The following SNX29 variants were observed in gnomAD, a reference collection of about 807,000 sequenced individuals.
The protein encoded by SNX29 is sorting nexin 29, also known as sorting nexin-29.
In SNX29, 78 loss-of-function variants were observed where a neutral mutation model predicts 102.1. The ratio of observed to expected loss-of-function variants is 0.76; its 90% confidence interval spans 0.64 to 0.92. SNX29 has a LOEUF of 0.92. SNX29 is among the 40% of genes least tolerant of loss of function. SNX29 has a pLI of 0.00. For missense variants in SNX29, 1,280 were observed against 1,061.7 expected, an observed-to-expected ratio of 1.21 and a Z score of -2.86; for synonymous variants, 580 against 414.5, an observed-to-expected ratio of 1.40 and a Z score of -4.85.
At chr16:12,140,160 C>T (rs2054819884) in intron 13 of SNX29, among the ~76,000 whole-genome samples, 1 of 152,106 alleles carries the variant, frequency 6.6e-6, no homozygotes, top group African/African-American at 2.4e-5. Flanking sequence ...CAGGGGGTAT[C>T]ACGCATATCA....
At chr16:12,428,528 C>G (rs2085177982) in intron 18 of SNX29, among the ~76,000 whole-genome samples, 2 of 152,204 alleles carry the variant, frequency 1.3e-5, no homozygotes, top group South Asian at 4.1e-4. Context: ...CAATTAATAT[C>G]TCCTTCTAGT....
At chr16:12,136,607 G>A (rs2054670226) in intron 13 of SNX29, among the ~76,000 whole-genome samples, 1 of 152,228 alleles carries the variant, frequency 6.6e-6, no homozygotes, top group South Asian at 2.1e-4. Flanking sequence ...CTGCGCACTG[G>A]TGTCATGCTT....
intron 16 of SNX29, among the ~76,000 whole-genome samples, chr16:12,396,693 C>T (rs575294488): frequency 2.6e-5 from 4 of 152,102 alleles, no homozygotes; most frequent in South Asian, 2.1e-4. Context: ...ATCCATGATG[C>T]GTAACTGTTA....
chr16:12,550,319 C>T (rs976307141), intron 20 of SNX29, among the ~76,000 whole-genome samples: 1 of 152,120 alleles, frequency 6.6e-6, no homozygotes, highest in Non-Finnish European at 1.5e-5. Flanking sequence ...GTTGGGTCAC[C>T]TGAGGTCGAG....
intron 1 of SNX29, among the ~76,000 whole-genome samples, chr16:11,993,128 G>T (rs994773823): frequency 6.6e-6 from 1 of 151,878 alleles, no homozygotes; most frequent in African/African-American, 2.4e-5. Context: ...TGGCGCCACC[G>T]TACTCCAGCT....
At chr16:12,434,924 A>G (rs567858938) in intron 18 of SNX29, among the ~76,000 whole-genome samples, 11 of 150,140 alleles carry the variant, frequency 7.3e-5, no homozygotes, top group Admixed American at 7.2e-4. Context: ...GGTCCCAGAG[A>G]AAAGGGAACT....
chr16:12,515,539 G>A, intron 19 of SNX29: 1 of 491,676 alleles, frequency 2.0e-6, no homozygotes, highest in Non-Finnish European at 4.0e-6. Context: ...GATGACTGCA[G>A]CAGCATCCTT....
chr16:12,206,363 A>C (rs2077043544), intron 14 of SNX29, among the ~76,000 whole-genome samples: 1 of 149,864 alleles, frequency 6.7e-6, no homozygotes, highest in African/African-American at 2.5e-5. Flanking sequence ...ATGTGCTGGT[A>C]AATGTCTAAC....
chr16:12,548,955 T>G (rs549891394), intron 20 of SNX29, among the ~76,000 whole-genome samples: 1 of 152,214 alleles, frequency 6.6e-6, no homozygotes, highest in Non-Finnish European at 1.5e-5. Flanking sequence ...TAGGGAACTC[T>G]CAAGCAACAG....
chr16:12,550,183 A>G (rs1265479304), intron 20 of SNX29, among the ~76,000 whole-genome samples: 6 of 152,210 alleles, frequency 3.9e-5, no homozygotes, highest in African/African-American at 1.4e-4. Context: ...TCTCCATGAC[A>G]TTATTACTAA....
At chr16:12,526,622 C>T (rs558659530) in intron 20 of SNX29, 1 of 533,198 alleles carries the variant, frequency 1.9e-6, no homozygotes, top group Non-Finnish European at 3.6e-6. Context: ...AGCGGCATCC[C>T]CATGGCCCAG....
chr16:11,999,219 G>T (rs2056198621), intron 1 of SNX29, 78 bp from the exon 2 acceptor site: 2 of 1,331,622 alleles, frequency 1.5e-6, no homozygotes, highest in Non-Finnish European at 1.1e-6. Context: ...TTAAAGATCA[G>T]TAGGAAAGGA....
chr16:12,236,583 T>C (rs1011025362), intron 14 of SNX29, among the ~76,000 whole-genome samples: 6 of 152,198 alleles, frequency 3.9e-5, no homozygotes, highest in Non-Finnish European at 5.9e-5. Context: ...TGTGGGTCCA[T>C]TGAATGCTAT....
rs951861916 is a variant in SNX29, at chr16:12,198,371, G to C, written c.1596-1230G>C. The stretch of plus-strand genomic sequence containing the variant: ...TAGGATGGATATAAAAATGTTAATA[G>C]GGTTTATTTCAAGGTATTGGGGTCT... On this transcript the variant is annotated intron_variant, in intron 13 of 20. Coordinates refer to ENST00000566228, the MANE Select transcript of SNX29 (RefSeq NM_032167.5). 2.0e-5 allele frequency among the ~76,000 whole-genome samples: 3 copies of C among 152,286 alleles called. No homozygotes were observed. The East Asian group carries it at 5.8e-4, about 29-fold the overall frequency.
chr16:12,378,338 A>G (rs1459437643), intron 16 of SNX29, among the ~76,000 whole-genome samples: 1 of 152,138 alleles, frequency 6.6e-6, no homozygotes, highest in Non-Finnish European at 1.5e-5. Context: ...AGGTTCTTTA[A>G]AACAACCAGC....
intron 20 of SNX29, among the ~76,000 whole-genome samples, chr16:12,562,560 C>T (rs1011996475): frequency 1.3e-5 from 2 of 152,128 alleles, no homozygotes; most frequent in African/African-American, 2.4e-5. Flanking sequence ...AGACACTGTC[C>T]CCGTGGTCCC....
chr16:12,547,450 C>T (rs1436707627), intron 20 of SNX29, among the ~76,000 whole-genome samples: 4 of 152,120 alleles, frequency 2.6e-5, no homozygotes, highest in Non-Finnish European at 4.4e-5. Flanking sequence ...GATGGTGCCT[C>T]AGGCAGCCTG....
chr16:12,550,345 G>GC (rs2077892773), intron 20 of SNX29, among the ~76,000 whole-genome samples: 1 of 152,128 alleles, frequency 6.6e-6, no homozygotes, highest in Non-Finnish European at 1.5e-5. Flanking sequence ...GACCAGCCTA[G>GC]CCAACAAGAG....
At chr16:12,300,000 A>G (rs1225318667) in intron 15 of SNX29, among the ~76,000 whole-genome samples, 1 of 152,114 alleles carries the variant, frequency 6.6e-6, no homozygotes, top group African/African-American at 2.4e-5. Context: ...CCTCCTGAGT[A>G]GCTGGGACCA....
Sources: gnomAD v4.1 joint callset for allele counts (sites outside exome capture counted in the v4.1 genomes callset) on GRCh38, gnomAD v4.1.1 for gene constraint, MANE v1.5 for transcripts, NCBI Gene and HGNC (gene_info 2026-07-23, HGNC 2026-07-21) for gene names.